Variants in LIG3 observed in about 807,000 individuals in gnomAD.
The protein encoded by LIG3 is ligase II, DNA, ATP-dependent.
Under a neutral mutation model 110.9 loss-of-function variants are expected in LIG3, and 58 were observed. The ratio of observed to expected loss-of-function variants is 0.52; its 90% confidence interval spans 0.42 to 0.65. The LOEUF is 0.65. Among genes scored for constraint, LIG3 ranks in the 30% least tolerant of loss-of-function variants. LIG3 has a pLI of 0.00. For missense variants in LIG3, 1,094 were observed against 1,273.8 expected (o/e 0.86, Z 2.15); for synonymous variants, 422 against 472.8 (o/e 0.89, Z 1.39).
chr17:35,001,469 C>A, intron 17 of LIG3, 66 bp downstream of exon 17: 1 of 1,491,100 alleles, frequency 6.7e-7, no homozygotes, highest in Non-Finnish European at 9.3e-7. Flanking sequence ...CCTTGGGCAT[C>A]TAGACCATTC....
Position 34,997,817 on chromosome 17 carries a change from C to T in LIG3, c.1903C>T (p.Arg635Ter). 1.2e-6 allele frequency: 2 copies of T among 1,613,502 alleles called. No homozygotes were observed. Among genetic ancestry groups the T allele is most frequent in the Non-Finnish European group, 1.7e-6 (2 of 1,179,424 alleles). ...CCGGATCATGTTCTCAGAAATGAAG[C>T]GAGTCACAGTAAGTGAAGACCCTAT... is the stretch of plus-strand genomic sequence containing the variant. ...PNRIMFSEMK[R>*]VTKALDLADM... The change falls in exon 12 of 20, where the codon CGA (arginine) becomes TGA (stop). Residue 635 changes from arginine to a stop codon, truncating the protein, a stop_gained. Transcript: ENST00000378526. LOFTEE classifies it high-confidence loss of function.
Position 35,002,104 on chromosome 17 carries a change from G to A in LIG3, c.2674G>A (p.Gly892Ser). 1 of 1,575,952 alleles carries A rather than the reference G, an allele frequency of 6.3e-7. No individual in the cohort carries two copies. The highest frequency in any genetic ancestry group is 8.6e-7 in the Non-Finnish European group (1 of 1,161,786). ...GCTGAGTAACTCCAACAGCAAAGAT[G>A]GTAAGGATAGGGAGGGGGCTGGTAT... ...GKLSNSNSKD[G>S]NMQTAKPSAM... Residue 892 changes from glycine (G) to serine (S), a missense_variant and splice_region_variant, in exon 18 of 20, where the codon GGC becomes AGC. Coordinates refer to ENST00000378526, the MANE Select transcript of LIG3 (RefSeq NM_013975.4).
intron 12 of LIG3, 136 bp downstream of exon 12, chr17:34,997,961 T>C (rs1214366594): frequency 4.2e-6 from 3 of 716,680 alleles, no homozygotes; most frequent in Non-Finnish European, 7.3e-6. Context: ...CTTTGACTAT[T>C]GCATATGTTG....
chr17:35,002,610 C>T (rs2090854976), intron 18 of LIG3, 58 bp from the exon 19 acceptor site: 7 of 1,561,064 alleles, frequency 4.5e-6, no homozygotes, highest in South Asian at 3.6e-5. Context: ...TTGATCCTCC[C>T]GAGTAGCTGG....
intron 4 of LIG3, among the ~76,000 whole-genome samples, chr17:34,990,576 G>A (rs1369666789): frequency 1.3e-5 from 2 of 151,812 alleles, no homozygotes; most frequent in Non-Finnish European, 2.9e-5. Context: ...CACCATGCGC[G>A]GTCTGAGTTT....
chr17:34,992,912 C>T (rs1201048061), intron 8 of LIG3, among the ~76,000 whole-genome samples: 2 of 152,180 alleles, frequency 1.3e-5, no homozygotes, highest in Non-Finnish European at 2.9e-5. Context: ...GGCCCAGCTA[C>T]GCCACCAAGA....
chr17:35,009,836 A>G (rs1470170739), downstream of LIG3: 1 of 152,670 alleles, frequency 6.6e-6, no homozygotes, highest in Non-Finnish European at 1.5e-5. Context: ...AGTTACTGCT[A>G]GATCTTAGCT....
In LIG3 at chr17:35,002,056, A is replaced by G; in HGVS notation, c.2626A>G (p.Ser876Gly). 6.3e-7 allele frequency: 1 copy of G among 1,599,612 alleles called. No homozygotes were observed. Among genetic ancestry groups the G allele is most frequent in the Non-Finnish European group, 8.5e-7 (1 of 1,174,668 alleles). ...CAAGGCCCCCAGCAAGCCCTCAGCC[A>G]GTACCAAGAAAGCAGAAGGGAAGCT... is the stretch of plus-strand genomic sequence containing the variant. ...SRKAPSKPSA[S>G]TKKAEGKLSN... Residue 876 changes from serine (S) to glycine (G), a missense_variant, in exon 18 of 20, where the codon AGT (serine) becomes GGT (glycine). Physicochemically the swap from Ser to Gly is moderately conservative, Grantham distance 56 (BLOSUM62 0). Coordinates refer to ENST00000378526, the MANE Select transcript of LIG3 (RefSeq NM_013975.4).
At chr17:34,996,356 C>A in intron 10 of LIG3, 161 bp downstream of exon 10, 1 of 975,954 alleles carries the variant, frequency 1.0e-6, no homozygotes. Context: ...TTTTGTTTTT[C>A]TCCTAAAAAG....
At chr17:34,995,746 C>T (rs1344279552) in intron 9 of LIG3, among the ~76,000 whole-genome samples, 2 of 152,198 alleles carry the variant, frequency 1.3e-5, no homozygotes, top group Non-Finnish European at 2.9e-5. Context: ...TCTCTGCCCA[C>T]CTACCCTCCT....
In LIG3 at chr17:34,992,606, A is replaced by G; in HGVS notation, c.1369A>G (p.Asn457Asp). 6.2e-7 allele frequency: 1 copy of G among 1,613,896 alleles called. No homozygotes were observed. Among genetic ancestry groups the G allele is most frequent in the South Asian group, 1.1e-5 (1 of 91,056 alleles). The change falls in exon 8 of 20, where the codon AAC becomes GAC. Residue 457 changes from asparagine to aspartate, a missense_variant. Asn to Asp is a conservative substitution (Grantham distance 23). Transcript: ENST00000378526. Reference protein sequence around the residue: ...LQDVVERVLHNAQEVEKEPGQ... With the variant: ...LQDVVERVLHDAQEVEKEPGQ... ...GGATGTGGTGGAGCGGGTCCTTCAC[A>G]ACGCGCAGGAGGTGGAGAAGGAGCC... is the stretch of plus-strand genomic sequence containing the variant.
chr17:35,005,615 C>T lies in LIG3; in HGVS notation c.*1109C>T, dbSNP rs778005388. Reference sequence around the variant, plus strand: ...TTCATAATGCTGGACCAGTCGAATGCACCAAATATCCCAAAACTCAATCGA... The same window carrying T: ...TTCATAATGCTGGACCAGTCGAATGTACCAAATATCCCAAAACTCAATCGA... On this transcript the variant is annotated 3_prime_UTR_variant, in exon 20 of 20. Transcript: ENST00000378526. 2.4e-5 allele frequency: 14 copies of T among 577,688 alleles called. No homozygotes were observed. In the Admixed American group the frequency reaches 2.6e-4, roughly 11 times the overall value. 35.8% of individuals were successfully genotyped at this position (577,688 alleles called of 1,614,324 possible).
chr17:34,995,967 C>A, intron 9 of LIG3, 97 bp from the exon 10 acceptor site: 2 of 1,467,838 alleles, frequency 1.4e-6, no homozygotes, highest in South Asian at 1.3e-5. Flanking sequence ...ACATGTTGTT[C>A]TATATCCTGT....
intron 1 of LIG3, among the ~76,000 whole-genome samples, chr17:34,982,602 G>T (rs921540257): frequency 2.0e-5 from 3 of 150,754 alleles, no homozygotes; most frequent in African/African-American, 7.3e-5. Context: ...AGCCAAGATC[G>T]CGCCAATGTA....
At chr17:34,982,601 C>G (rs1002069436) in intron 1 of LIG3, among the ~76,000 whole-genome samples, 3 of 150,690 alleles carry the variant, frequency 2.0e-5, no homozygotes, top group Non-Finnish European at 4.4e-5. Flanking sequence ...GAGCCAAGAT[C>G]GCGCCAATGT....
chr17:34,993,716 G>A (rs532659615), intron 8 of LIG3, among the ~76,000 whole-genome samples: 2 of 152,234 alleles, frequency 1.3e-5, no homozygotes, highest in African/African-American at 2.4e-5. Flanking sequence ...ATGTCACATC[G>A]GGGATGAAAT....
At chr17:34,998,447 G>T in intron 13 of LIG3, 151 bp downstream of exon 13, 2 of 1,117,250 alleles carry the variant, frequency 1.8e-6, no homozygotes, top group Non-Finnish European at 2.6e-6. Flanking sequence ...TGGATCTGGA[G>T]GACTGCTTTG....
chr17:34,992,811 G>A, intron 8 of LIG3, 119 bp downstream of exon 8: 4 of 1,020,010 alleles, frequency 3.9e-6, no homozygotes, highest in Non-Finnish European at 5.4e-6. Context: ...GAAGTTTAGG[G>A]AAGGAAGAGG....
At chr17:34,982,268 G>T (rs1196157648) in intron 1 of LIG3, among the ~76,000 whole-genome samples, 1 of 152,104 alleles carries the variant, frequency 6.6e-6, no homozygotes, top group African/African-American at 2.4e-5. Context: ...CTATATAGTG[G>T]CTTGATTTCT....
Sources: allele counts gnomAD v4.1 joint callset (sites outside exome capture counted in the v4.1 genomes callset), GRCh38; gene constraint gnomAD v4.1.1; transcripts MANE v1.5; gene names NCBI Gene and HGNC (gene_info 2026-07-23, HGNC 2026-07-21).